RAB10: variants seen among roughly 807,000 people sequenced by gnomAD.
RAB10 encodes the protein RAB10, member RAS oncogene family.
A neutral mutation model predicts 25.7 loss-of-function variants in RAB10; 5 were observed. The observed-to-expected ratio is 0.19, with a 90% CI of 0.10 to 0.41. The LOEUF (loss-of-function observed/expected upper bound fraction) is 0.41. RAB10 is among the 10% of genes least tolerant of loss of function. The probability of loss-of-function intolerance (pLI) is 1.00; values close to 1 mark genes in which losing one functional copy is unlikely to be tolerated. For missense variants in RAB10, 103 were observed against 245.8 expected (o/e 0.42, Z 3.89); for synonymous variants, 89 against 86.4 (o/e 1.03, Z -0.16).
At chr2:26,099,283 A>T (rs974719364) in intron 2 of RAB10, among the ~76,000 whole-genome samples, 5 of 152,180 alleles carry the variant, frequency 3.3e-5, no homozygotes, top group African/African-American at 9.7e-5. Context: ...CTTTTGAGAA[A>T]ACAGCTTTAT....
chr2:26,035,505 A>G (rs113015751), intron 1 of RAB10, among the ~76,000 whole-genome samples: 19 of 152,310 alleles, frequency 1.2e-4, no homozygotes, highest in Non-Finnish European at 2.5e-4. Flanking sequence ...AGAATTACTT[A>G]GTGTGGAAGT....
At chr2:26,071,987 T>C (rs1002155540) in intron 1 of RAB10, among the ~76,000 whole-genome samples, 8 of 152,212 alleles carry the variant, frequency 5.3e-5, no homozygotes, top group African/African-American at 1.9e-4. Context: ...TTTTTTCATA[T>C]TGTATAATGA....
intron 1 of RAB10, among the ~76,000 whole-genome samples, chr2:26,046,849 ATTTG>A (rs1486084791): frequency 1.3e-4 from 20 of 152,194 alleles, no homozygotes; most frequent in Admixed American, 1.3e-4. Context: ...GACAGTGTTG[ATTTG>A]TTTCTTTCGT....
chr2:26,065,761 C>T (rs1051281125), intron 1 of RAB10, among the ~76,000 whole-genome samples: 3 of 152,106 alleles, frequency 2.0e-5, no homozygotes, highest in African/African-American at 4.8e-5. Flanking sequence ...TCATCTTGAT[C>T]ACAGATTTTA....
At chr2:26,082,610 G>T (rs373608722) in intron 1 of RAB10, among the ~76,000 whole-genome samples, 1 of 152,068 alleles carries the variant, frequency 6.6e-6, no homozygotes, top group African/African-American at 2.4e-5. Context: ...TAAGAAATGA[G>T]ATCTTAATTT....
intron 1 of RAB10, among the ~76,000 whole-genome samples, chr2:26,056,885 G>A (rs1666277951): frequency 6.6e-6 from 1 of 152,100 alleles, no homozygotes; most frequent in African/African-American, 2.4e-5. Flanking sequence ...GCCTCCTAAA[G>A]TGCTGGAATT....
chr2:26,066,614 CCAT>C (rs1666516313), intron 1 of RAB10, among the ~76,000 whole-genome samples: 1 of 151,990 alleles, frequency 6.6e-6, no homozygotes, highest in Non-Finnish European at 1.5e-5. Flanking sequence ...CCTTACAAAA[CCAT>C]CAGATCTTGT....
chr2:26,047,619 A>G (rs1488336793), intron 1 of RAB10, among the ~76,000 whole-genome samples: 1 of 150,996 alleles, frequency 6.6e-6, no homozygotes, highest in African/African-American at 2.4e-5. Flanking sequence ...GTTTGACTAC[A>G]TTGGCCGGGC....
intron 3 of RAB10, among the ~76,000 whole-genome samples, chr2:26,121,934 TC>T (rs1667809932): frequency 6.6e-6 from 1 of 152,202 alleles, no homozygotes; most frequent in East Asian, 1.9e-4. Flanking sequence ...AGTTTGTGTC[TC>T]CAGTAAATCC....
chr2:26,071,507 G>T (rs1345114477), intron 1 of RAB10, among the ~76,000 whole-genome samples: 1 of 152,146 alleles, frequency 6.6e-6, no homozygotes, highest in African/African-American at 2.4e-5. Flanking sequence ...GGCCAACATG[G>T]TGAAACCCCA....
chr2:26,058,890 AAT>A lies in RAB10; in HGVS notation c.127+24158_127+24159del, dbSNP rs1252279294. Among the ~76,000 whole-genome samples, 4 of 152,314 alleles carry A rather than the reference AAT, an allele frequency of 2.6e-5. No individual in the cohort carries two copies. In the East Asian group the frequency reaches 7.7e-4, roughly 29 times the overall value. ...CTTACCTGACTTCTACACAGTAATT[AAT>A]ATGACTTCTGATTAAGTTTTACTTG... is the stretch of plus-strand genomic sequence containing the variant. On this transcript the variant is annotated intron_variant, in intron 1 of 5. Transcript: ENST00000264710.
chr2:26,098,193 T>G (rs891344862), intron 1 of RAB10, among the ~76,000 whole-genome samples: 1 of 142,898 alleles, frequency 7.0e-6, no homozygotes, highest in African/African-American at 2.6e-5. Context: ...AATTAAAGGC[T>G]CACTGCAACC....
At chr2:26,085,619 A>T (rs976920099) in intron 1 of RAB10, among the ~76,000 whole-genome samples, 3 of 152,078 alleles carry the variant, frequency 2.0e-5, no homozygotes, top group African/African-American at 7.2e-5. Flanking sequence ...CTCCAGCTCT[A>T]AAAAAAGAAA....
chr2:26,085,182 A>G (rs952836096), intron 1 of RAB10, among the ~76,000 whole-genome samples: 1 of 152,144 alleles, frequency 6.6e-6, no homozygotes, highest in Non-Finnish European at 1.5e-5. Context: ...TTGTGCATCA[A>G]AGGGCATATT....
At chr2:26,111,531 G>C (rs373308543) in intron 3 of RAB10, among the ~76,000 whole-genome samples, 13 of 152,006 alleles carry the variant, frequency 8.6e-5, no homozygotes, top group South Asian at 4.2e-4. Context: ...TTGAACCCAG[G>C]GGGTGGAGGT....
Position 26,117,352 on chromosome 2 carries a change from G to A in RAB10, c.327+7446G>A, listed in dbSNP as rs192186523. On this transcript the variant is annotated intron_variant, in intron 3 of 5. Coordinates refer to ENST00000264710, the MANE Select transcript of RAB10 (RefSeq NM_016131.5). ...GAAGGTCCGGGTGCGGGGGGCTCATGCTTGTAATCCCAGCACTTTGGGAGG... is the reference window on the plus strand; with the variant it reads ...GAAGGTCCGGGTGCGGGGGGCTCATACTTGTAATCCCAGCACTTTGGGAGG... 4.1e-4 allele frequency among the ~76,000 whole-genome samples: 63 copies of A among 152,216 alleles called. No homozygotes were observed. In the East Asian group the frequency reaches 0.011, roughly 27 times the overall value.
At chr2:26,127,046 G>T in intron 3 of RAB10, 98 bp from the exon 4 acceptor site, 1 of 888,428 alleles carries the variant, frequency 1.1e-6, no homozygotes, top group South Asian at 1.8e-5. Flanking sequence ...CAAAGCTATA[G>T]AAATGACCCT....
intron 1 of RAB10, among the ~76,000 whole-genome samples, chr2:26,035,405 CTCTT>C (rs1665744160): frequency 6.6e-6 from 1 of 152,168 alleles, no homozygotes; most frequent in African/African-American, 2.4e-5. Context: ...GTCAAGCTCT[CTCTT>C]CTATTTTATT....
chr2:26,085,014 C>G (rs1262143598), intron 1 of RAB10, among the ~76,000 whole-genome samples: 2 of 152,178 alleles, frequency 1.3e-5, no homozygotes, highest in African/African-American at 4.8e-5. Context: ...TTGTAGTTGG[C>G]AAAAGTTCAA....
Sources: allele counts gnomAD v4.1 joint callset (sites outside exome capture counted in the v4.1 genomes callset), GRCh38; gene constraint gnomAD v4.1.1; transcripts MANE v1.5; gene names NCBI Gene and HGNC (gene_info 2026-07-23, HGNC 2026-07-21).